KCND3: variants seen among roughly 807,000 people sequenced by gnomAD.
KCND3 encodes potassium voltage-gated channel subfamily D member 3, also known as A-type voltage-gated potassium channel KCND3.
KCND3 carries 9 observed loss-of-function variants against 51.1 expected under a neutral mutation model. The observed-to-expected ratio is 0.18, with a 90% CI of 0.11 to 0.31. The LOEUF is 0.31. Ranked by LOEUF, KCND3 falls within the 10% of genes least tolerant of loss-of-function variation. The pLI is 1.00. For synonymous variants in KCND3, 349 were observed against 368.0 expected, an observed-to-expected ratio of 0.95 and a Z score of 0.59; for missense variants, 526 against 903.8, an observed-to-expected ratio of 0.58 and a Z score of 5.36.
At position 111,773,021 on chromosome 1, in the gene KCND3, G is replaced by A. The variant is rs1460198467; in HGVS notation, c.*3056C>T. 5 of 152,198 alleles carry A rather than the reference G, an allele frequency of 3.3e-5. No homozygotes were observed. The highest frequency in any genetic ancestry group is 5.9e-5 in the Non-Finnish European group (4 of 68,038). The allele number at this position is 152,198 out of a possible 1,614,324, so 9.4% of individuals were successfully genotyped here. A position where few individuals can be genotyped will look rare whatever the true frequency, so the allele number is the denominator to read the frequency against. On this transcript the variant is annotated 3_prime_UTR_variant, in exon 8 of 8. Transcript: ENST00000302127. Reference sequence around the variant, plus strand: ...CAGTGTCATCTGGCTGTGTTCTGTAGTGTAGATGAGCCATTTTCCAAACGT... The same window carrying A: ...CAGTGTCATCTGGCTGTGTTCTGTAATGTAGATGAGCCATTTTCCAAACGT...
chr1:111,981,701 G>C lies in KCND3; in HGVS notation c.1026C>G (p.Ala342=), dbSNP rs1216276887. 6.2e-7 allele frequency: 1 copy of C among 1,614,132 alleles called. No individual in the cohort carries two copies. The highest frequency in any genetic ancestry group is 1.3e-5 in the African/African-American group (1 of 75,018). ...IIIFATVMFY[A]EKGSSASKFT... ...ACTTGCTGGCCGAGGAGCCCTTCTC[G>C]GCATAAAACATCACAGTGGCAAAGA... Residue 342 remains alanine, a synonymous_variant, in exon 2 of 8, where the codon GCC becomes GCG. Coordinates refer to ENST00000302127, the MANE Select transcript of KCND3 (RefSeq NM_001378969.1). This position sits in a 1 kb window ranked among gnomAD's most constrained non-coding sequence, Gnocchi z 6.2.
intron 3 of KCND3, 127 bp downstream of exon 3, chr1:111,786,817 T>C: frequency 8.7e-7 from 1 of 1,144,606 alleles, no homozygotes; most frequent in Non-Finnish European, 1.3e-6. Flanking sequence ...GGACTGAAGC[T>C]ACCTTACCTT....
intron 2 of KCND3, among the ~76,000 whole-genome samples, chr1:111,868,459 TG>T (rs1668680452): frequency 6.6e-6 from 1 of 152,156 alleles, no homozygotes; most frequent in African/African-American, 2.4e-5. Context: ...ATCATAGGTA[TG>T]TATGCATAGG....
At chr1:111,853,307 G>A (rs889616803) in intron 2 of KCND3, among the ~76,000 whole-genome samples, 2 of 152,152 alleles carry the variant, frequency 1.3e-5, no homozygotes, top group African/African-American at 4.8e-5. Context: ...CTAACTTTCA[G>A]GGTCGTTCTG....
chr1:111,863,123 A>G (rs1668408183), intron 2 of KCND3, among the ~76,000 whole-genome samples: 1 of 152,256 alleles, frequency 6.6e-6, no homozygotes, highest in Non-Finnish European at 1.5e-5. Flanking sequence ...TAGGTGCCTT[A>G]CATATTTTGT....
At chr1:111,826,038 T>C (rs928496644) in intron 2 of KCND3, among the ~76,000 whole-genome samples, 1 of 152,228 alleles carries the variant, frequency 6.6e-6, no homozygotes, top group African/African-American at 2.4e-5. Context: ...AATAGCTATC[T>C]AGTTGTTTGA....
At chr1:111,855,527 G>A (rs1048383510) in intron 2 of KCND3, among the ~76,000 whole-genome samples, 4 of 152,204 alleles carry the variant, frequency 2.6e-5, no homozygotes, top group African/African-American at 9.6e-5. Flanking sequence ...GAAGGCTGTG[G>A]AGGGGATCTT....
intron 2 of KCND3, among the ~76,000 whole-genome samples, chr1:111,935,970 G>A (rs1384837829): frequency 1.3e-5 from 2 of 152,172 alleles, no homozygotes; most frequent in Non-Finnish European, 2.9e-5. Flanking sequence ...TGCAAGACTG[G>A]TTTATAAAAA....
At chr1:111,862,249 C>G (rs1326541925) in intron 2 of KCND3, among the ~76,000 whole-genome samples, 1 of 152,234 alleles carries the variant, frequency 6.6e-6, no homozygotes, top group Non-Finnish European at 1.5e-5. Context: ...GTAAATATTT[C>G]AGGCTTGCAG....
chr1:111,812,192 G>A (rs767212073), intron 2 of KCND3, among the ~76,000 whole-genome samples: 9 of 152,216 alleles, frequency 5.9e-5, no homozygotes, highest in Admixed American at 1.3e-4. Flanking sequence ...TTCACCGACA[G>A]TGATGACAAA....
chr1:111,819,021 G>A (rs1189259715), intron 2 of KCND3, among the ~76,000 whole-genome samples: 1 of 152,040 alleles, frequency 6.6e-6, no homozygotes, highest in Non-Finnish European at 1.5e-5. Context: ...TTAGAGATAG[G>A]GTCTTGCTCC....
chr1:111,850,667 C>T (rs1667772382), intron 2 of KCND3, among the ~76,000 whole-genome samples: 1 of 152,180 alleles, frequency 6.6e-6, no homozygotes, highest in Admixed American at 6.5e-5. Flanking sequence ...GGCCACTGGC[C>T]ACTGGGGACC....
chr1:111,930,132 T>G (rs1177569410), intron 2 of KCND3, among the ~76,000 whole-genome samples: 1 of 151,932 alleles, frequency 6.6e-6, no homozygotes, highest in Non-Finnish European at 1.5e-5. Context: ...CGAGGTGATT[T>G]GATGCAATTC....
intron 2 of KCND3, among the ~76,000 whole-genome samples, chr1:111,945,602 G>A (rs546882271): frequency 6.6e-6 from 1 of 152,294 alleles, no homozygotes; most frequent in Admixed American, 6.5e-5. Flanking sequence ...GGAAATGATC[G>A]ATTCAGGCTT....
chr1:111,953,815 C>A (rs557943200), intron 2 of KCND3, among the ~76,000 whole-genome samples: 1 of 152,224 alleles, frequency 6.6e-6, no homozygotes, highest in Non-Finnish European at 1.5e-5. Context: ...CCTCTCCCTG[C>A]CTGCCTCAGT....
At chr1:111,918,427 T>G (rs1671324845) in intron 2 of KCND3, among the ~76,000 whole-genome samples, 1 of 152,114 alleles carries the variant, frequency 6.6e-6, no homozygotes. Flanking sequence ...CTAGCATCTC[T>G]TAAGGACTTT....
At chr1:111,918,728 G>A (rs1205455769) in intron 2 of KCND3, among the ~76,000 whole-genome samples, 1 of 152,144 alleles carries the variant, frequency 6.6e-6, no homozygotes. Flanking sequence ...AATTTCCTTT[G>A]TTGCCCAAAG....
intron 2 of KCND3, among the ~76,000 whole-genome samples, chr1:111,906,369 T>A (rs1242752336): frequency 6.6e-6 from 1 of 152,140 alleles, no homozygotes; most frequent in Non-Finnish European, 1.5e-5. Context: ...GCCCATGTTG[T>A]AAGGACCCAC....
rs1571659244 is a variant in KCND3 at position 111,801,528 on chromosome 1, G to C, written c.1107-14422C>G. 3.9e-5 allele frequency among the ~76,000 whole-genome samples: 6 copies of C among 152,276 alleles called. No individual in the cohort carries two copies. The South Asian group carries it at 1.2e-3, about 32-fold the overall frequency. ...GGACGTGGTTGAGGTAGTGACAGGT[G>C]GGAGGTAGAAGTAGGCAAGAGGCAA... On this transcript the variant is annotated intron_variant, in intron 2 of 7. Coordinates refer to ENST00000302127, the MANE Select transcript of KCND3 (RefSeq NM_001378969.1).
Sources: gnomAD v4.1 joint callset for allele counts (sites outside exome capture counted in the v4.1 genomes callset) on GRCh38, gnomAD v4.1.1 for gene constraint, Gnocchi (gnomAD v3.1) non-coding constraint, MANE v1.5 for transcripts, NCBI Gene and HGNC (gene_info 2026-07-23, HGNC 2026-07-21) for gene names.